Variants in CNTN5 observed in about 807,000 individuals in gnomAD.
CNTN5 encodes contactin 5, also known as contactin-5.
In CNTN5, 77 loss-of-function variants were observed where a neutral mutation model predicts 129.1. The ratio of observed to expected loss-of-function variants is 0.60; its 90% confidence interval spans 0.50 to 0.72. The LOEUF is 0.72. Among genes scored for constraint, CNTN5 ranks in the 30% least tolerant of loss-of-function variants. The pLI is 0.00. For synonymous variants in CNTN5, 509 were observed against 465.6 expected (o/e 1.09, Z -1.20); for missense variants, 1,478 against 1,328.8 (o/e 1.11, Z -1.75).
chr11:99,388,104 T>C (rs1941023737), intron 2 of CNTN5, among the ~76,000 whole-genome samples: 1 of 152,164 alleles, frequency 6.6e-6, no homozygotes, highest in Middle Eastern at 3.4e-3. Context: ...CTCTGCAGAC[T>C]AGGTTTGGTT....
At chr11:100,059,024 G>A (rs1165467316) in intron 9 of CNTN5, among the ~76,000 whole-genome samples, 2 of 152,112 alleles carry the variant, frequency 1.3e-5, no homozygotes, top group Non-Finnish European at 2.9e-5. Context: ...TGAAAAAGTC[G>A]ACTGGGTCCA....
intron 2 of CNTN5, among the ~76,000 whole-genome samples, chr11:99,462,902 C>T (rs1264269459): frequency 2.0e-5 from 3 of 151,764 alleles, no homozygotes; most frequent in Admixed American, 1.3e-4. Context: ...CGGATAAACA[C>T]GGTGAAACCC....
At chr11:100,256,747 A>T (rs976901672) in intron 17 of CNTN5, among the ~76,000 whole-genome samples, 3 of 152,028 alleles carry the variant, frequency 2.0e-5, no homozygotes, top group African/African-American at 7.2e-5. Context: ...AGACTGTGTC[A>T]TGAGGAACAG....
intron 1 of CNTN5, among the ~76,000 whole-genome samples, chr11:99,095,308 A>G (rs1003783365): frequency 6.6e-6 from 1 of 151,916 alleles, no homozygotes; most frequent in African/African-American, 2.4e-5. Context: ...CTCCTCCCCC[A>G]AGAAATGTAT....
At chr11:100,218,604 GA>G (rs1591403894) in intron 15 of CNTN5, among the ~76,000 whole-genome samples, 1 of 152,144 alleles carries the variant, frequency 6.6e-6, no homozygotes, top group East Asian at 1.9e-4. Flanking sequence ...TTAAAACAAA[GA>G]ATCCTGCATT....
Position 99,812,778 on chromosome 11 carries a change from G to T in CNTN5, c.56-6766G>T, listed in dbSNP as rs143571977. The stretch of plus-strand genomic sequence containing the variant: ...AATGCGTGGCCAAGATGGAGGAGGA[G>T]GATATATGCATCGTAGCCAAGCGTG... On this transcript the variant is annotated intron_variant, in intron 3 of 24. Transcript: ENST00000524871. Among the ~76,000 whole-genome samples the T allele has an allele frequency of 7.9e-5, 12 of 152,230 alleles. No homozygotes were observed. In the East Asian group the frequency reaches 2.1e-3, roughly 27 times the overall value.
intron 16 of CNTN5, among the ~76,000 whole-genome samples, chr11:100,227,288 T>C (rs1949396958): frequency 1.3e-5 from 2 of 152,148 alleles, no homozygotes; most frequent in African/African-American, 2.4e-5. Context: ...AAAATTATTT[T>C]ATACATTTTA....
chr11:100,321,221 T>C (rs1029164657), intron 21 of CNTN5, among the ~76,000 whole-genome samples: 1 of 152,146 alleles, frequency 6.6e-6, no homozygotes, highest in East Asian at 1.9e-4. Context: ...CTTCTTTGAT[T>C]TTTTTAATCA....
At chr11:99,262,337 T>A (rs1043904547) in intron 1 of CNTN5, among the ~76,000 whole-genome samples, 3 of 152,094 alleles carry the variant, frequency 2.0e-5, no homozygotes, top group African/African-American at 7.2e-5. Context: ...ACTTTGGAAA[T>A]ACTTTGTTTT....
At chr11:99,830,821 C>T (rs747126985) in intron 4 of CNTN5, among the ~76,000 whole-genome samples, 2 of 152,076 alleles carry the variant, frequency 1.3e-5, no homozygotes, top group Middle Eastern at 3.2e-3. Context: ...TGAGCAAATA[C>T]CATTTCATAG....
intron 2 of CNTN5, among the ~76,000 whole-genome samples, chr11:99,351,114 C>G (rs1400002448): frequency 1.3e-5 from 2 of 151,838 alleles, no homozygotes; most frequent in Non-Finnish European, 2.9e-5. Context: ...ACATGTATAC[C>G]TAGGTAACAA....
intron 3 of CNTN5, among the ~76,000 whole-genome samples, chr11:99,765,780 G>T (rs1010601407): frequency 6.6e-6 from 1 of 151,604 alleles, no homozygotes; most frequent in African/African-American, 2.4e-5. Flanking sequence ...CCCTCTAGAA[G>T]GGTACACAAA....
At chr11:99,943,952 T>G (rs539655321) in intron 7 of CNTN5, among the ~76,000 whole-genome samples, 1 of 152,284 alleles carries the variant, frequency 6.6e-6, no homozygotes, top group South Asian at 2.1e-4. Flanking sequence ...TAGCATAGTT[T>G]GAAGTCAGGT....
chr11:99,921,477 T>C (rs889546847), intron 7 of CNTN5, among the ~76,000 whole-genome samples: 15 of 152,204 alleles, frequency 9.9e-5, no homozygotes, highest in Non-Finnish European at 2.2e-4. Flanking sequence ...GTAAAACCTT[T>C]TACAATCTTC....
intron 9 of CNTN5, among the ~76,000 whole-genome samples, chr11:100,010,375 A>G (rs1387893748): frequency 1.3e-5 from 2 of 152,134 alleles, no homozygotes; most frequent in Non-Finnish European, 2.9e-5. Context: ...ATGTACCCCT[A>G]GGACCAAGAA....
intron 8 of CNTN5, among the ~76,000 whole-genome samples, chr11:99,978,005 G>A (rs1266625822): frequency 6.6e-6 from 1 of 152,230 alleles, no homozygotes; most frequent in African/African-American, 2.4e-5. Context: ...GTTTCAGTCA[G>A]TGATGGACCA....
intron 3 of CNTN5, among the ~76,000 whole-genome samples, chr11:99,568,941 T>C (rs529050654): frequency 5.3e-5 from 8 of 152,338 alleles, no homozygotes; most frequent in Middle Eastern, 3.4e-3. Flanking sequence ...TTTTCCATTC[T>C]AATTTTCGTT....
At chr11:100,283,219 C>T (rs1950679235) in intron 18 of CNTN5, among the ~76,000 whole-genome samples, 1 of 152,148 alleles carries the variant, frequency 6.6e-6, no homozygotes, top group South Asian at 2.1e-4. Context: ...CTAGAAATGT[C>T]ATACAGGAGC....
At chr11:99,568,074 T>C (rs1161062328) in intron 3 of CNTN5, among the ~76,000 whole-genome samples, 1 of 152,158 alleles carries the variant, frequency 6.6e-6, no homozygotes, top group Non-Finnish European at 1.5e-5. Context: ...ACTTATTAGG[T>C]CAGCTAAATA....
Sources: allele counts gnomAD v4.1 joint callset (sites outside exome capture counted in the v4.1 genomes callset), GRCh38; gene constraint gnomAD v4.1.1; transcripts MANE v1.5; gene names NCBI Gene and HGNC (gene_info 2026-07-23, HGNC 2026-07-21).